Variants in RASAL1 observed in about 807,000 individuals in gnomAD.
RASAL1 encodes rasGAP-activating-like protein 1.
A neutral mutation model predicts 96.6 loss-of-function variants in RASAL1; 72 were observed. That is an observed-to-expected ratio of 0.75 (90% CI 0.62 to 0.91). The LOEUF (loss-of-function observed/expected upper bound fraction) is 0.91. Among genes scored for constraint, RASAL1 ranks in the 40% least tolerant of loss-of-function variants. RASAL1 has a pLI of 0.00. For synonymous variants in RASAL1, 405 were observed against 430.4 expected (o/e 0.94, Z 0.73); for missense variants, 1,016 against 1,072.5 (o/e 0.95, Z 0.74).
At chr12:113,121,681 T>C (rs1484798837) in intron 4 of RASAL1, 43 bp from the exon 5 acceptor site, 1 of 1,600,514 alleles carries the variant, frequency 6.2e-7, no homozygotes, top group Non-Finnish European at 8.5e-7. Flanking sequence ...GCCTACCATG[T>C]ACTGGGCATT....
In RASAL1 at chr12:113,101,956, G is replaced by T; in HGVS notation, c.2158C>A (p.Pro720Thr). 6.2e-7 allele frequency: 1 copy of T among 1,614,136 alleles called. No homozygotes were observed. The highest frequency in any genetic ancestry group is 8.5e-7 in the Non-Finnish European group (1 of 1,180,014). Reference protein sequence around the residue: ...SAVTLGDWSDPLDPDAEAQTV... With the variant: ...SAVTLGDWSDTLDPDAEAQTV... The stretch of plus-strand genomic sequence containing the variant: ...TGGGCCTCAGCATCAGGATCCAGTG[G>T]GTCACTCCAGTCCCCCAGGGTGACA... The change falls in exon 19 of 21, where the codon CCA becomes ACA. Residue 720 changes from proline to threonine, a missense_variant. By Grantham distance (38) the Pro-to-Thr change is conservative (BLOSUM62 -1). Transcript: ENST00000548055.
intron 13 of RASAL1, among the ~76,000 whole-genome samples, chr12:113,109,043 GTTTTT>G (rs10603536): frequency 2.2e-5 from 3 of 134,260 alleles, no homozygotes; most frequent in African/African-American, 5.4e-5. Flanking sequence ...TTTTGTGTGT[GTTTTT>G]TTTTTTTTTT....
Position 113,128,060 on chromosome 12 carries a change from C to T in RASAL1, c.236+5G>A. On this transcript the variant is annotated splice_donor_5th_base_variant and intron_variant, in intron 3 of 20. Transcript: ENST00000548055. ...CCACACATTCCACTTTCCCCAACCA[C>T]AAACCCGACAGTGTCCTCATCCAGC... 6.2e-7 allele frequency: 1 copy of T among 1,613,644 alleles called. No individual in the cohort carries two copies. The highest frequency in any genetic ancestry group is 8.5e-7 in the Non-Finnish European group (1 of 1,179,726).
chr12:113,111,265 T>G (rs529537931), intron 13 of RASAL1, among the ~76,000 whole-genome samples: 35 of 152,222 alleles, frequency 2.3e-4, no homozygotes, highest in South Asian at 6.2e-4. Context: ...CTCTCTTACT[T>G]CCTCTCTCTC....
At position 113,132,268 on chromosome 12, in the gene RASAL1, C is replaced by T. The variant is rs114722893; in HGVS notation, c.66-1327G>A. 8.2e-3 allele frequency among the ~76,000 whole-genome samples: 1,243 copies of T among 152,226 alleles called. 18 individuals are homozygous for T. The highest frequency in any genetic ancestry group is 0.029 in the African/African-American group (1,187 of 41,516). On this transcript the variant is annotated intron_variant, in intron 1 of 20. Coordinates refer to ENST00000548055, the MANE Select transcript of RASAL1 (RefSeq NM_001301202.2). ...GATTACAGGCGTGAGCCACCACAGC[C>T]GGCCTCCCTTATTTCTCTATGCGTT...
Position 113,130,777 on chromosome 12 carries a change from C to T in RASAL1, c.122+108G>A. ...ATCACCCACCTGCAGGCCCGCGAGT[C>T]CCCCTCAGGGTAAGCACTCCTTTAA... On this transcript the variant is annotated intron_variant, in intron 2 of 20. Coordinates refer to ENST00000548055, the MANE Select transcript of RASAL1 (RefSeq NM_001301202.2). This position sits in a 1 kb window ranked among gnomAD's most constrained non-coding sequence, Gnocchi z 5.1. 2 of 887,572 alleles carry T rather than the reference C, an allele frequency of 2.3e-6. No individual in the cohort carries two copies. Among genetic ancestry groups the T allele is most frequent in the South Asian group, 3.4e-5 (2 of 58,746 alleles). 55.0% of individuals were successfully genotyped at this position (887,572 alleles called of 1,614,324 possible).
chr12:113,104,353 G>A, intron 16 of RASAL1, 55 bp from the exon 17 acceptor site: 3 of 1,494,756 alleles, frequency 2.0e-6, no homozygotes, highest in Non-Finnish European at 2.7e-6. Context: ...CCGGGGTGGG[G>A]ACACCTTCCG....
rs747825405 is a variant in RASAL1, at chr12:113,104,104, A to AG, written c.1969-24dup. 5 of 978,002 alleles carry AG rather than the reference A, an allele frequency of 5.1e-6. No homozygotes were observed. The African/African-American group carries it at 9.9e-5, about 19-fold the overall frequency. 60.6% of individuals were successfully genotyped at this position (978,002 alleles called of 1,614,324 possible). ...ATTCTGCAGCGGGTGGGAGGCGATCAGGGGGCGGGTGGGAACAGAGGGACG... is the reference window on the plus strand; with the variant it reads ...ATTCTGCAGCGGGTGGGAGGCGATCAGGGGGGCGGGTGGGAACAGAGGGACG... On this transcript the variant is annotated intron_variant, in intron 17 of 20. Coordinates refer to ENST00000548055, the MANE Select transcript of RASAL1 (RefSeq NM_001301202.2).
chr12:113,108,218 A>G lies in RASAL1; in HGVS notation c.1379T>C (p.Val460Ala). Residue 460 changes from valine to alanine, a missense_variant, in exon 14 of 21, where the codon GTG (valine) becomes GCG (alanine). Transcript: ENST00000548055. ...ERFPQAEHQDVKYLAISGFLF... is the reference protein window; with the variant it reads ...ERFPQAEHQDAKYLAISGFLF... The stretch of plus-strand genomic sequence containing the variant: ...AAATCCACTGATGGCCAGGTACTTC[A>G]CATCCTGCTGGGAGGAGCAGAAGGT... 6.2e-7 allele frequency: 1 copy of G among 1,611,262 alleles called. No homozygotes were observed. Among genetic ancestry groups the G allele is most frequent in the Non-Finnish European group, 8.5e-7 (1 of 1,178,892 alleles).
intron 16 of RASAL1, 105 bp downstream of exon 16, chr12:113,105,609 G>A: frequency 8.0e-7 from 1 of 1,256,156 alleles, no homozygotes; most frequent in Non-Finnish European, 1.1e-6. Flanking sequence ...TGGCATCTTG[G>A]GGCCTTGCCC....
intron 4 of RASAL1, among the ~76,000 whole-genome samples, chr12:113,125,320 G>A (rs187398150): frequency 6.6e-6 from 1 of 152,166 alleles, no homozygotes; most frequent in East Asian, 1.9e-4. Context: ...CAAAACGTAA[G>A]AGACAAATGG....
chr12:113,123,085 T>C (rs1050536139), intron 4 of RASAL1, among the ~76,000 whole-genome samples: 1 of 152,260 alleles, frequency 6.6e-6, no homozygotes, highest in Admixed American at 6.5e-5. Flanking sequence ...CTAAAAGTTT[T>C]ATTTGGTGCT....
At chr12:113,131,242 G>A (rs950964571) in intron 1 of RASAL1, among the ~76,000 whole-genome samples, 10 of 147,300 alleles carry the variant, frequency 6.8e-5, no homozygotes, top group East Asian at 2.0e-4. Context: ...GGCCCAGAGC[G>A]TGTGTGGGGG....
intron 2 of RASAL1, 28 bp from the exon 3 acceptor site, chr12:113,128,206 G>A: frequency 6.6e-7 from 1 of 1,512,164 alleles, no homozygotes; most frequent in South Asian, 1.1e-5. Context: ...GGGGGCTGGG[G>A]TCCTCGGGCC....
In RASAL1 at chr12:113,101,929, T is replaced by C; in HGVS notation, c.2185A>G (p.Thr729Ala). ...CCCAGGAGCAGCTGCCGATACACTG[T>C]CTGGGCCTCAGCATCAGGATCCAGT... ...DPLDPDAEAQ[T>A]VYRQLLLGRD... Residue 729 changes from threonine to alanine, a missense_variant, in exon 19 of 21, where the codon ACA becomes GCA. Coordinates refer to ENST00000548055, the MANE Select transcript of RASAL1 (RefSeq NM_001301202.2). 6.2e-7 allele frequency: 1 copy of C among 1,614,086 alleles called. No individual in the cohort carries two copies. Among genetic ancestry groups the C allele is most frequent in the East Asian group, 2.2e-5 (1 of 44,868 alleles).
chr12:113,107,086 C>G lies in RASAL1; in HGVS notation c.1657+11G>C, dbSNP rs766333872. On this transcript the variant is annotated intron_variant, in intron 15 of 20. Coordinates refer to ENST00000548055, the MANE Select transcript of RASAL1 (RefSeq NM_001301202.2). ...TGAGAAGCCAGATGTGGCCGGACCA[C>G]AGGAACTCACCTTCATCCCCATCCA... 6.2e-7 allele frequency: 1 copy of G among 1,606,446 alleles called. No homozygotes were observed. Among genetic ancestry groups the G allele is most frequent in the East Asian group, 2.2e-5 (1 of 44,648 alleles).
Position 113,117,060 on chromosome 12 carries a change from C to A in RASAL1, c.731+13G>T. The A allele has an allele frequency of 1.3e-6, 2 of 1,574,668 alleles. No homozygotes were observed. Among genetic ancestry groups the A allele is most frequent in the Non-Finnish European group, 8.7e-7 (1 of 1,150,470 alleles). The stretch of plus-strand genomic sequence containing the variant: ...GCTCCAGCCTGGCCCCCTCCCTCTG[C>A]ACCCACATTTACCCAGAATCCTCCT... On this transcript the variant is annotated intron_variant, in intron 8 of 20. Transcript: ENST00000548055.
In RASAL1 at chr12:113,105,790, G is replaced by A. The variant is rs149732792; in HGVS notation, c.1754C>T (p.Thr585Met). The stretch of plus-strand genomic sequence containing the variant: ...GTAGCGCTTCTTGAAGGCAAAGCGC[G>A]TGGCCAGGCCGGCAGGCTCCTCCTT... ...KRKEEPAGLA[T>M]RFAFKKRYVW... Residue 585 changes from threonine (T) to methionine (M), a missense_variant, in exon 16 of 21, where the codon ACG becomes ATG. By Grantham distance (81) the Thr-to-Met change is moderately conservative. Coordinates refer to ENST00000548055, the MANE Select transcript of RASAL1 (RefSeq NM_001301202.2). 2.6e-5 allele frequency: 42 copies of A among 1,614,202 alleles called. No individual in the cohort carries two copies. In the African/African-American group the frequency reaches 2.7e-4, roughly 10 times the overall value.
chr12:113,119,038 T>G, intron 7 of RASAL1, 90 bp downstream of exon 7: 1 of 1,454,484 alleles, frequency 6.9e-7, no homozygotes, highest in East Asian at 2.3e-5. Context: ...TCCACCCTTC[T>G]GAGAGCCAGG....
Sources: gnomAD v4.1 joint callset for allele counts (sites outside exome capture counted in the v4.1 genomes callset) on GRCh38, gnomAD v4.1.1 for gene constraint, Gnocchi (gnomAD v3.1) non-coding constraint, MANE v1.5 for transcripts, NCBI Gene and HGNC (gene_info 2026-07-23, HGNC 2026-07-21) for gene names.